The following KNG1 variants were observed in gnomAD, a reference collection of about 807,000 sequenced individuals.
KNG1 encodes kininogen 1.
In KNG1, 23 loss-of-function variants were observed where a neutral mutation model predicts 47.8. That is an observed-to-expected ratio of 0.48 (90% CI 0.35 to 0.68). KNG1 has a LOEUF of 0.68. Ranked by LOEUF, KNG1 falls within the 30% of genes least tolerant of loss-of-function variation. The probability of loss-of-function intolerance (pLI) is 0.01; values close to 1 mark genes in which losing one functional copy is unlikely to be tolerated. For synonymous variants in KNG1, 277 were observed against 277.0 expected (o/e 1.00, Z 0.00); for missense variants, 762 against 790.2 (o/e 0.96, Z 0.43).
intron 9 of KNG1, among the ~76,000 whole-genome samples, chr3:186,741,180 G>C (rs1456200940): frequency 6.6e-6 from 1 of 152,078 alleles, no homozygotes; most frequent in African/African-American, 2.4e-5. Flanking sequence ...TTTTAGTAGA[G>C]ATGGGGTTTC....
chr3:186,729,809 A>AT (rs1720465016), intron 5 of KNG1, among the ~76,000 whole-genome samples: 1 of 151,974 alleles, frequency 6.6e-6, no homozygotes, highest in Non-Finnish European at 1.5e-5. Flanking sequence ...AGTAGCTGGG[A>AT]TTACAGGCAT....
rs750493222 is a variant in KNG1, at chr3:186,741,832, TTGA to T, written c.1444_1446del (p.Asp482del). 7 of 1,613,606 alleles carry T rather than the reference TTGA, an allele frequency of 4.3e-6. No homozygotes were observed. Among genetic ancestry groups the T allele is most frequent in the African/African-American group, 2.7e-5 (2 of 74,926 alleles). Reference sequence around the variant, plus strand: ...CTTGGTCATGGACATAAGTTCAAACTTGATGATGATCTTGAACACCAAGGGGGC... The same window carrying T: ...CTTGGTCATGGACATAAGTTCAAACTTGATGATCTTGAACACCAAGGGGGC... On this transcript the variant is annotated inframe_deletion, in exon 10 of 10. Transcript: ENST00000644859.
chr3:186,738,443 GTTT>G, intron 7 of KNG1: 1 of 152,298 alleles, frequency 6.6e-6, no homozygotes, highest in East Asian at 1.9e-4. Context: ...AACATTTTAA[GTTT>G]TTCTTCCTAT....
chr3:186,742,308 G>T lies in KNG1; in HGVS notation c.1912G>T (p.Asp638Tyr), dbSNP rs376740037. ...TTQMKESYYF[D>Y]LTDGLS ...ACAAATGAAAGAATCTTATTATTTC[G>T]ATCTCACTGATGGCCTTTCTTAATT... is the stretch of plus-strand genomic sequence containing the variant. Residue 638 changes from aspartate (D) to tyrosine (Y), a missense_variant, in exon 10 of 10, where the codon GAT (aspartate) becomes TAT (tyrosine). Asp to Tyr is a radical substitution (Grantham distance 160). Transcript: ENST00000644859. The T allele has an allele frequency of 8.1e-6, 13 of 1,613,680 alleles. No homozygotes were observed. Among genetic ancestry groups the T allele is most frequent in the Admixed American group, 5.0e-5 (3 of 59,984 alleles).
intron 3 of KNG1, among the ~76,000 whole-genome samples, chr3:186,724,500 C>T (rs879406651): frequency 3.3e-5 from 5 of 152,080 alleles, no homozygotes; most frequent in Non-Finnish European, 7.4e-5. Context: ...TTCCCTAATG[C>T]TTAGTGATAC....
intron 1 of KNG1, among the ~76,000 whole-genome samples, chr3:186,719,038 G>C (rs1720108443): frequency 6.6e-6 from 1 of 151,778 alleles, no homozygotes; most frequent in Non-Finnish European, 1.5e-5. Flanking sequence ...GGGGATAAAG[G>C]AAAATAAACA....
chr3:186,731,309 CT>C (rs1283227224), intron 5 of KNG1, among the ~76,000 whole-genome samples: 2 of 152,000 alleles, frequency 1.3e-5, no homozygotes, highest in African/African-American at 2.4e-5. Context: ...GCTGTTATTT[CT>C]GTACTAGATC....
chr3:186,725,312 C>T, intron 4 of KNG1, 52 bp downstream of exon 4: 1 of 1,541,046 alleles, frequency 6.5e-7, no homozygotes, highest in East Asian at 2.2e-5. Flanking sequence ...TTTGTTAGAT[C>T]TTTACATTTA....
At chr3:186,724,173 G>T (rs1469640630) in intron 3 of KNG1, among the ~76,000 whole-genome samples, 7 of 152,118 alleles carry the variant, frequency 4.6e-5, no homozygotes, top group Admixed American at 4.6e-4. Flanking sequence ...TTCCATAGTG[G>T]TTGCACTAAT....
At chr3:186,718,420 A>T (rs1335452765) in intron 1 of KNG1, 2 of 115,206 alleles carry the variant, frequency 1.7e-5, no homozygotes, top group African/African-American at 7.5e-5. Context: ...ACCACCCACC[A>T]CCATCACGCA....
chr3:186,739,284 G>A (rs371267755), intron 8 of KNG1, 44 bp from the exon 9 acceptor site: 36 of 1,578,742 alleles, frequency 2.3e-5, no homozygotes, highest in African/African-American at 6.7e-5. Context: ...TAAATGTCTC[G>A]TGAATAACAC....
chr3:186,719,965 G>T lies in KNG1; in HGVS notation c.196-140G>T. The T allele has an allele frequency of 8.6e-6, 6 of 701,076 alleles. No individual in the cohort carries two copies. The Admixed American group carries it at 1.2e-4, about 14-fold the overall frequency. 43.4% of individuals were successfully genotyped at this position (701,076 alleles called of 1,614,324 possible). A position where few individuals can be genotyped will look rare whatever the true frequency, so the allele number is the denominator to read the frequency against. On this transcript the variant is annotated intron_variant, in intron 1 of 9. Transcript: ENST00000644859. ...AACATTCTTTCACATAAATGTTTAT[G>T]ATAGAAATATAAATATATTTTAAGT...
At position 186,731,478 on chromosome 3, in the gene KNG1, A is replaced by G. The variant is rs5030104; in HGVS notation, c.673-67A>G. 2,553 of 883,886 alleles carry G rather than the reference A, an allele frequency of 2.9e-3. 8 individuals are homozygous for G. Among genetic ancestry groups the G allele is most frequent in the Non-Finnish European group, 3.4e-3 (1,764 of 524,986 alleles). The allele number at this position is 883,886 out of a possible 1,614,324, so 54.8% of individuals were successfully genotyped here. On this transcript the variant is annotated intron_variant, in intron 5 of 9. Transcript: ENST00000644859. ...ACACGTCCTATTCTTCAATTTTACT[A>G]GTTGTTTACTTTTAAGACTCTAAAA...
chr3:186,743,813 A>T lies in KNG1; in HGVS notation c.*1482A>T, dbSNP rs1306570324. The T allele has an allele frequency of 6.5e-7, 1 of 1,535,848 alleles. No homozygotes were observed. The highest frequency in any genetic ancestry group is 1.1e-5 in the South Asian group (1 of 89,462). ...AATGGGCAGAATCTTCACTCCAGGC[A>T]CATAGCCCCAACCACCTCTGCCAGC... On this transcript the variant is annotated 3_prime_UTR_variant, in exon 10 of 10. Transcript: ENST00000644859.
In KNG1 at chr3:186,725,543, A is replaced by T. The variant is rs1214748709; in HGVS notation, c.564+283A>T. Among the ~76,000 whole-genome samples the T allele has an allele frequency of 2.0e-3, 179 of 87,674 alleles. 2 individuals carry two copies. The highest frequency in any genetic ancestry group is 2.4e-3 in the South Asian group (6 of 2,476). The allele number at this position is 87,674 out of a possible 152,430, so 57.5% of individuals were successfully genotyped here. A position where few individuals can be genotyped will look rare whatever the true frequency, so the allele number is the denominator to read the frequency against. On this transcript the variant is annotated intron_variant, in intron 4 of 9. Coordinates refer to ENST00000644859, the MANE Select transcript of KNG1 (RefSeq NM_001102416.3). ...AAGGAAAAGTCATACCGGCCTTAGG[A>T]TTTTTTTTTTTTTTTTTTTGAGACA...
At chr3:186,740,502 A>G (rs983204096) in intron 9 of KNG1, among the ~76,000 whole-genome samples, 5 of 152,206 alleles carry the variant, frequency 3.3e-5, no homozygotes, top group African/African-American at 4.8e-5. Context: ...CCGGACTCCA[A>G]TGACCATGTT....
rs1425604353 is a variant in KNG1, at chr3:186,739,481, T to C, written c.1125+67T>C. 3 of 1,064,444 alleles carry C rather than the reference T, an allele frequency of 2.8e-6. No homozygotes were observed. The African/African-American group carries it at 4.7e-5, about 17-fold the overall frequency. 65.9% of individuals were successfully genotyped at this position (1,064,444 alleles called of 1,614,324 possible). A position where few individuals can be genotyped will look rare whatever the true frequency, so the allele number is the denominator to read the frequency against. ...ATTCTGAAAATCCATATTTGGGGGC[T>C]GAAAATGAACCATTACTGAAATGAA... is the stretch of plus-strand genomic sequence containing the variant. On this transcript the variant is annotated intron_variant, in intron 9 of 9. Transcript: ENST00000644859.
chr3:186,741,846 G>A lies in KNG1; in HGVS notation c.1450G>A (p.Glu484Lys). 6.2e-7 allele frequency: 1 copy of A among 1,613,704 alleles called. No individual in the cohort carries two copies. The highest frequency in any genetic ancestry group is 8.5e-7 in the Non-Finnish European group (1 of 1,179,750). ...TAAGTTCAAACTTGATGATGATCTTGAACACCAAGGGGGCCATGTCCTTGA... is the reference window on the plus strand; with the variant it reads ...TAAGTTCAAACTTGATGATGATCTTAAACACCAAGGGGGCCATGTCCTTGA... ...GHKFKLDDDL[E>K]HQGGHVLDHG... Residue 484 changes from glutamate (E) to lysine (K), a missense_variant, in exon 10 of 10, where the codon GAA (glutamate) becomes AAA (lysine). By Grantham distance (56) the Glu-to-Lys change is moderately conservative (BLOSUM62 1). Coordinates refer to ENST00000644859, the MANE Select transcript of KNG1 (RefSeq NM_001102416.3).
At chr3:186,730,672 AAAAAAAAAAAAATATATATATATATATAT>A (rs1350717284) in intron 5 of KNG1, among the ~76,000 whole-genome samples, 9 of 21,388 alleles carry the variant, frequency 4.2e-4, no homozygotes, top group Middle Eastern at 0.021. Flanking sequence ...AAAAAAAAAA[AAAAAAAAAAAAATATATATATATATATAT>A]ATATATATAT....
Sources: allele counts gnomAD v4.1 joint callset (sites outside exome capture counted in the v4.1 genomes callset), GRCh38; gene constraint gnomAD v4.1.1; transcripts MANE v1.5; gene names NCBI Gene and HGNC (gene_info 2026-07-23, HGNC 2026-07-21).